The following OLFM2 variants were observed in gnomAD, a reference collection of about 807,000 sequenced individuals.
The protein encoded by OLFM2 is noelin-2.
A neutral mutation model predicts 43.9 loss-of-function variants in OLFM2; 20 were observed. The ratio of observed to expected loss-of-function variants is 0.46; its 90% CI spans 0.32 to 0.66. The LOEUF is 0.66. Among genes scored for constraint, OLFM2 ranks in the 30% least tolerant of loss-of-function variants. OLFM2 has a pLI of 0.04. For synonymous variants in OLFM2, 268 were observed against 278.6 expected (o/e 0.96, Z 0.38); for missense variants, 416 against 643.6 (o/e 0.65, Z 3.83).
chr19:9,920,576 C>T (rs1453514376), intron 1 of OLFM2, among the ~76,000 whole-genome samples: 2 of 152,026 alleles, frequency 1.3e-5, no homozygotes, highest in African/African-American at 2.4e-5. Flanking sequence ...CTGTGAACAT[C>T]GTGCTGGTAA....
At chr19:9,892,546 A>G (rs1472228143) in intron 1 of OLFM2, among the ~76,000 whole-genome samples, 1 of 152,164 alleles carries the variant, frequency 6.6e-6, no homozygotes, top group Non-Finnish European at 1.5e-5. Flanking sequence ...CCCTGTCTCT[A>G]CTAAAAATAC....
chr19:9,900,988 A>AAGGAAGGAAGGGAGGG (rs1401980050), intron 1 of OLFM2, among the ~76,000 whole-genome samples: 51 of 28,382 alleles, frequency 1.8e-3, no homozygotes, highest in Non-Finnish European at 2.1e-3. Context: ...GGAAGGAAGG[A>AAGGAAGGAAGGGAGGG]AGGGAGGGAG....
At chr19:9,901,383 G>A (rs1372859401) in intron 1 of OLFM2, among the ~76,000 whole-genome samples, 4 of 151,770 alleles carry the variant, frequency 2.6e-5, no homozygotes, top group Non-Finnish European at 5.9e-5. Context: ...CTGAGATCGC[G>A]TCACTGCACT....
intron 1 of OLFM2, among the ~76,000 whole-genome samples, chr19:9,908,588 C>T (rs576698712): frequency 1.2e-3 from 179 of 150,842 alleles, no homozygotes; most frequent in African/African-American, 3.9e-3. Flanking sequence ...ACGCCATTCT[C>T]CTGCCTCAGC....
In OLFM2 at chr19:9,856,665, A is replaced by G; in HGVS notation, c.687+142T>C. The G allele has an allele frequency of 1.5e-6, 1 of 657,696 alleles. No individual in the cohort carries two copies. Among genetic ancestry groups the G allele is most frequent in the Non-Finnish European group, 2.7e-6 (1 of 371,706 alleles). The allele number at this position is 657,696 out of a possible 1,614,324, so 40.7% of individuals were successfully genotyped here. A position where few individuals can be genotyped will look rare whatever the true frequency, so the allele number is the denominator to read the frequency against. On this transcript the variant is annotated intron_variant, in intron 5 of 5. Transcript: ENST00000264833. The surrounding 1 kb of genome is among the most constrained non-coding windows in gnomAD (Gnocchi z 4.0). ...CTTGGTCACTTGGGGGTTACTGGAC[A>G]GGGAGGTCCAATGGCCCTGGGGGAT... is the stretch of plus-strand genomic sequence containing the variant.
chr19:9,883,464 G>C (rs911822027), intron 1 of OLFM2, among the ~76,000 whole-genome samples: 2 of 151,992 alleles, frequency 1.3e-5, no homozygotes, highest in Non-Finnish European at 2.9e-5. Flanking sequence ...CTTTGTTAGC[G>C]AGAATGGGCT....
intron 1 of OLFM2, among the ~76,000 whole-genome samples, chr19:9,894,888 T>C (rs1378208148): frequency 1.3e-5 from 2 of 152,042 alleles, no homozygotes; most frequent in African/African-American, 4.8e-5. Flanking sequence ...CCAATGCATA[T>C]ATTCATCATC....
intron 1 of OLFM2, among the ~76,000 whole-genome samples, chr19:9,917,508 C>T (rs1269909063): frequency 6.6e-6 from 1 of 152,238 alleles, no homozygotes; most frequent in East Asian, 1.9e-4. Flanking sequence ...AGGCAGAAGC[C>T]AGGGTGTTTC....
At chr19:9,880,592 A>G (rs999520827) in intron 1 of OLFM2, among the ~76,000 whole-genome samples, 1 of 152,086 alleles carries the variant, frequency 6.6e-6, no homozygotes, top group Non-Finnish European at 1.5e-5. Context: ...GCGAGACCCC[A>G]TCTCTAAAAA....
chr19:9,854,191 G>A lies in OLFM2; in HGVS notation c.1360C>T (p.Pro454Ser). 1.2e-6 allele frequency: 2 copies of A among 1,614,100 alleles called. No individual in the cohort carries two copies. Among genetic ancestry groups the A allele is most frequent in the Non-Finnish European group, 1.7e-6 (2 of 1,180,004 alleles). Residue 454 changes from proline (P) to serine (S), a missense_variant, in exon 6 of 6, where the codon CCC becomes TCC. Transcript: ENST00000264833. This position sits in a 1 kb window ranked among gnomAD's most constrained non-coding sequence, Gnocchi z 9.5. ...GCCCGAGCCACAGCATTGGCTCAGG[G>A]GTCCCCAGAGGTGCTGATGACGTGA... Reference protein sequence around the residue: ...LFHVISTSGDP With the variant: ...LFHVISTSGDS
At chr19:9,893,171 C>CTT (rs56099266) in intron 1 of OLFM2, among the ~76,000 whole-genome samples, 112 of 146,868 alleles carry the variant, frequency 7.6e-4, no homozygotes, top group Middle Eastern at 3.5e-3. Context: ...TTTTCTTTTT[C>CTT]TTTTTTTTTT....
At chr19:9,862,023 GAAAAAAAA>G (rs3075649) in intron 1 of OLFM2, among the ~76,000 whole-genome samples, 33 of 120,378 alleles carry the variant, frequency 2.7e-4, no homozygotes, top group African/African-American at 8.7e-4. Flanking sequence ...CCGTCTCAAA[GAAAAAAAA>G]AAAAAAAAAA....
chr19:9,888,841 C>T (rs1277234892), intron 1 of OLFM2, among the ~76,000 whole-genome samples: 3 of 151,832 alleles, frequency 2.0e-5, no homozygotes, highest in South Asian at 4.2e-4. Context: ...CCGAGGCGGG[C>T]GGATCACAAG....
Position 9,854,687 on chromosome 19 carries a change from C to T in OLFM2, c.864G>A (p.Val288=). 1 of 1,614,234 alleles carries T rather than the reference C, an allele frequency of 6.2e-7. No homozygotes were observed. Among genetic ancestry groups the T allele is most frequent in the Non-Finnish European group, 8.5e-7 (1 of 1,180,050 alleles). The part of the protein sequence containing the change: ...LFYNKYQSNV[V]VKYHFRSRSV... Reference sequence around the variant, plus strand: ...AGCGCGAGCGGAAGTGGTATTTGACCACCACGTTGCTCTGGTACTTGTTAT... The same window carrying T: ...AGCGCGAGCGGAAGTGGTATTTGACTACCACGTTGCTCTGGTACTTGTTAT... The change falls in exon 6 of 6, where the codon GTG becomes GTA. Residue 288 remains valine (V), a synonymous_variant. Coordinates refer to ENST00000264833, the MANE Select transcript of OLFM2 (RefSeq NM_058164.4). The surrounding 1 kb of genome is among the most constrained non-coding windows in gnomAD (Gnocchi z 9.5).
At chr19:9,907,379 C>T (rs1031353597) in intron 1 of OLFM2, among the ~76,000 whole-genome samples, 2 of 152,020 alleles carry the variant, frequency 1.3e-5, no homozygotes, top group African/African-American at 2.4e-5. Flanking sequence ...CGCTTGAACC[C>T]GGGAGGTGAT....
At chr19:9,928,398 T>C (rs890332525) in intron 1 of OLFM2, among the ~76,000 whole-genome samples, 1 of 152,180 alleles carries the variant, frequency 6.6e-6, no homozygotes, top group Non-Finnish European at 1.5e-5. Context: ...GACACCTGTC[T>C]TCTCATCTAT....
rs1420882097 is a variant in OLFM2, at chr19:9,857,200, G to A, written c.580+63C>T. ...GTGTCCAGCTTCTAGGCACAAACAGGTGATACTGGAGTTGGGTGTGGCAGT... is the reference window on the plus strand; with the variant it reads ...GTGTCCAGCTTCTAGGCACAAACAGATGATACTGGAGTTGGGTGTGGCAGT... On this transcript the variant is annotated intron_variant, in intron 4 of 5. Coordinates refer to ENST00000264833, the MANE Select transcript of OLFM2 (RefSeq NM_058164.4). This position sits in a 1 kb window ranked among gnomAD's most constrained non-coding sequence, Gnocchi z 5.7. 2.1e-6 allele frequency: 3 copies of A among 1,458,482 alleles called. No individual in the cohort carries two copies. The African/African-American group carries it at 4.2e-5, about 20-fold the overall frequency. The allele number at this position is 1,458,482 out of a possible 1,614,324, so 90.3% of individuals were successfully genotyped here.
intron 1 of OLFM2, among the ~76,000 whole-genome samples, chr19:9,901,743 G>A (rs900064354): frequency 2.6e-5 from 4 of 152,176 alleles, no homozygotes; most frequent in Non-Finnish European, 4.4e-5. Context: ...AACCAGATGT[G>A]GACGCCTGTG....
chr19:9,897,137 T>C (rs2046692579), intron 1 of OLFM2, among the ~76,000 whole-genome samples: 1 of 152,062 alleles, frequency 6.6e-6, no homozygotes, highest in African/African-American at 2.4e-5. Flanking sequence ...AAGACCAGCC[T>C]GGCCAAAATG....
Sources: gnomAD v4.1 joint callset for allele counts (sites outside exome capture counted in the v4.1 genomes callset) on GRCh38, gnomAD v4.1.1 for gene constraint, Gnocchi (gnomAD v3.1) non-coding constraint, MANE v1.5 for transcripts, NCBI Gene and HGNC (gene_info 2026-07-23, HGNC 2026-07-21) for gene names.